The following SLC20A2 variants were observed in gnomAD, a reference collection of about 807,000 sequenced individuals.
SLC20A2 encodes the protein solute carrier family 20 member 2.
SLC20A2 carries 30 observed loss-of-function variants against 61.0 expected under a neutral mutation model. That is an observed-to-expected ratio of 0.49 (90% CI 0.37 to 0.67). The LOEUF (loss-of-function observed/expected upper bound fraction) is 0.67, where lower values mean the gene tolerates loss of function less well. Among genes scored for constraint, SLC20A2 ranks in the 30% least tolerant of loss-of-function variants. The probability of loss-of-function intolerance (pLI) is 0.00; values close to 1 mark genes in which losing one functional copy is unlikely to be tolerated. For synonymous variants in SLC20A2, 351 were observed against 353.3 expected (o/e 0.99, Z 0.07); for missense variants, 626 against 866.4 (o/e 0.72, Z 3.48).
chr8:42,432,151 C>T (rs747638700), intron 8 of SLC20A2, among the ~76,000 whole-genome samples: 8 of 152,192 alleles, frequency 5.3e-5, no homozygotes, highest in Non-Finnish European at 8.8e-5. Flanking sequence ...GAAAGGATCC[C>T]CCATTCCAGA....
intron 1 of SLC20A2, among the ~76,000 whole-genome samples, chr8:42,511,569 G>A (rs1449251132): frequency 6.6e-6 from 1 of 151,840 alleles, no homozygotes; most frequent in Non-Finnish European, 1.5e-5. Flanking sequence ...AAAGGCTGCA[G>A]TGAGCCAAGA....
intron 2 of SLC20A2, chr8:42,471,085 T>C: frequency 4.5e-6 from 2 of 448,012 alleles, no homozygotes; most frequent in Non-Finnish European, 9.0e-6. Flanking sequence ...GCAGGACTCT[T>C]CCTACAAGAG....
chr8:42,417,394 T>G lies in SLC20A2; in HGVS notation c.*409A>C, dbSNP rs190717111. The G allele has an allele frequency of 6.3e-6, 1 of 158,272 alleles. No individual in the cohort carries two copies. The highest frequency in any genetic ancestry group is 2.4e-5 in the African/African-American group (1 of 41,696). The allele number at this position is 158,272 out of a possible 1,614,324, so 9.8% of individuals were successfully genotyped here. On this transcript the variant is annotated 3_prime_UTR_variant, in exon 11 of 11. Transcript: ENST00000520262. ...AAAAATCATTTTCCAATCTACACTT[T>G]CCTTTTAGAAGGCTTAACATTTGCC...
At chr8:42,458,715 T>C (rs1806408224) in intron 5 of SLC20A2, among the ~76,000 whole-genome samples, 1 of 151,018 alleles carries the variant, frequency 6.6e-6, no homozygotes, top group East Asian at 2.0e-4. Context: ...GAGACCATCC[T>C]GGCTAATATG....
At position 42,534,506 on chromosome 8, in the gene SLC20A2, A is replaced by G. The variant is rs1272243411; in HGVS notation, c.-265+7315T>C. On this transcript the variant is annotated intron_variant, in intron 1 of 10. Coordinates refer to the SLC20A2 transcript ENST00000342228. Reference sequence around the variant, plus strand: ...GAACAACAAAACACTGAACAAGAACATATGAATAGTAAAGAGTAATGCTGG... The same window carrying G: ...GAACAACAAAACACTGAACAAGAACGTATGAATAGTAAAGAGTAATGCTGG... Among the ~76,000 whole-genome samples the G allele has an allele frequency of 2.6e-5, 4 of 152,314 alleles. No homozygotes were observed. In the East Asian group the frequency reaches 5.8e-4, roughly 22 times the overall value.
At chr8:42,477,906 A>G (rs1170247649) in intron 1 of SLC20A2, among the ~76,000 whole-genome samples, 3 of 149,172 alleles carry the variant, frequency 2.0e-5, no homozygotes, top group Non-Finnish European at 3.0e-5. Flanking sequence ...TTTTTTTTTG[A>G]GACGGAGCCT....
At chr8:42,456,508 G>A (rs923708496) in intron 5 of SLC20A2, among the ~76,000 whole-genome samples, 6 of 152,064 alleles carry the variant, frequency 3.9e-5, no homozygotes, top group Non-Finnish European at 8.8e-5. Context: ...CAAGGCAGGC[G>A]GATCACGAGG....
In SLC20A2 at chr8:42,472,466, G is replaced by A; in HGVS notation, c.-76C>T. On this transcript the variant is annotated 5_prime_UTR_variant, in exon 2 of 11. It adds an upstream start codon to the 5' untranslated region. Transcript: ENST00000520262. This position sits in a 1 kb window ranked among gnomAD's most constrained non-coding sequence, Gnocchi z 4.1. ...AACAAAGCTTGAGGTTATAAACTTCGTAAGGCCAAGAGTTCTTGTAAACAG... is the reference window on the plus strand; with the variant it reads ...AACAAAGCTTGAGGTTATAAACTTCATAAGGCCAAGAGTTCTTGTAAACAG... 7.4e-7 allele frequency: 1 copy of A among 1,344,946 alleles called. No individual in the cohort carries two copies. Among genetic ancestry groups the A allele is most frequent in the African/African-American group, 1.5e-5 (1 of 68,574 alleles). 83.3% of individuals were successfully genotyped at this position (1,344,946 alleles called of 1,614,324 possible).
intron 1 of SLC20A2, among the ~76,000 whole-genome samples, chr8:42,531,445 T>C (rs1311567196): frequency 6.6e-6 from 1 of 152,006 alleles, no homozygotes; most frequent in African/African-American, 2.4e-5. Context: ...TATATAAGGG[T>C]TTTTAAGTTG....
chr8:42,524,462 AAATTGTGCATATCCTTGCATGAGATAT>A (rs1199000222), intron 1 of SLC20A2, among the ~76,000 whole-genome samples: 1 of 152,094 alleles, frequency 6.6e-6, no homozygotes, highest in Non-Finnish European at 1.5e-5. Context: ...CCAACATAAA[AAATTGTGCATATCCTTGCATGAGATAT>A]AAAATATACC....
At chr8:42,503,738 G>A (rs1384658603), upstream of SLC20A2, among the ~76,000 whole-genome samples, 2 of 152,142 alleles carry the variant, frequency 1.3e-5, no homozygotes, top group African/African-American at 4.8e-5. Flanking sequence ...GTACCCACAT[G>A]TGCCTGGTGA....
chr8:42,498,643 C>T (rs1810111691), intron 1 of SLC20A2, among the ~76,000 whole-genome samples: 1 of 152,126 alleles, frequency 6.6e-6, no homozygotes, highest in Non-Finnish European at 1.5e-5. Flanking sequence ...GGCCATATCC[C>T]ATTATGTTAC....
chr8:42,452,124 A>G (rs1299471141), intron 5 of SLC20A2, among the ~76,000 whole-genome samples: 1 of 139,378 alleles, frequency 7.2e-6, no homozygotes, highest in East Asian at 2.4e-4. Context: ...GAAAAGATGG[A>G]GGAGGAAGAG....
At position 42,437,510 on chromosome 8, in the gene SLC20A2, G is replaced by C. The variant is rs752617509; in HGVS notation, c.1002C>G (p.Asp334Glu). Reference sequence around the variant, plus strand: ...CATGACCGTCGCTCCTGGTGTGGCCGTCGAAGCCGAAGGTGCCGTTGGAGA... The same window carrying C: ...CATGACCGTCGCTCCTGGTGTGGCCCTCGAAGCCGAAGGTGCCGTTGGAGA... ...SPISNGTFGF[D>E]GHTRSDGHVY... The change falls in exon 8 of 11, where the codon GAC (aspartate) becomes GAG (glutamate). Residue 334 changes from aspartate to glutamate, a missense_variant. Coordinates refer to ENST00000520262, the MANE Select transcript of SLC20A2 (RefSeq NM_001257180.2). This position sits in a 1 kb window ranked among gnomAD's most constrained non-coding sequence, Gnocchi z 6.4. 1.9e-6 allele frequency: 3 copies of C among 1,614,010 alleles called. No individual in the cohort carries two copies. In the Admixed American group the frequency reaches 5.0e-5, roughly 27 times the overall value.
At chr8:42,432,891 G>A (rs1803973787) in intron 8 of SLC20A2, among the ~76,000 whole-genome samples, 1 of 152,132 alleles carries the variant, frequency 6.6e-6, no homozygotes, top group African/African-American at 2.4e-5. Flanking sequence ...ACTTTTCTAT[G>A]TACTGGGACA....
chr8:42,504,044 A>G (rs7836648), upstream of SLC20A2, among the ~76,000 whole-genome samples: 4,531 of 152,228 alleles, frequency 0.03, 129 homozygotes, highest in South Asian at 0.11. Flanking sequence ...AGCTCAAGCA[A>G]TCCACCCACC....
chr8:42,489,219 A>G (rs865935941), intron 1 of SLC20A2, among the ~76,000 whole-genome samples: 111 of 152,226 alleles, frequency 7.3e-4, no homozygotes, highest in South Asian at 4.6e-3. Context: ...GATTACAGGC[A>G]TGAGCCACCG....
At chr8:42,473,120 C>T (rs535211726) in intron 1 of SLC20A2, among the ~76,000 whole-genome samples, 27 of 152,288 alleles carry the variant, frequency 1.8e-4, no homozygotes, top group East Asian at 1.4e-3. Flanking sequence ...TCCACATTTA[C>T]GCATAAGCAA....
chr8:42,469,257 C>G (rs1462617988), intron 2 of SLC20A2, among the ~76,000 whole-genome samples: 1 of 151,832 alleles, frequency 6.6e-6, no homozygotes, highest in Non-Finnish European at 1.5e-5. Context: ...GCAAAGAACC[C>G]GATTTTATGA....
Sources: gnomAD v4.1 joint callset for allele counts (sites outside exome capture counted in the v4.1 genomes callset) on GRCh38, gnomAD v4.1.1 for gene constraint, Gnocchi (gnomAD v3.1) non-coding constraint, MANE v1.5 for transcripts, NCBI Gene and HGNC (gene_info 2026-07-23, HGNC 2026-07-21) for gene names.